The following ADAP1 variants were observed in gnomAD, a reference collection of about 807,000 sequenced individuals.
ADAP1 encodes ArfGAP with dual PH domains 1.
Under a neutral mutation model 54.9 loss-of-function variants are expected in ADAP1, and 31 were observed. The ratio of observed to expected loss-of-function variants is 0.56; its 90% CI spans 0.42 to 0.76. The LOEUF is 0.76. Among genes scored for constraint, ADAP1 ranks in the 30% least tolerant of loss-of-function variants. ADAP1 has a pLI of 0.00. For synonymous variants in ADAP1, 313 were observed against 202.6 expected (o/e 1.55, Z -4.63); for missense variants, 535 against 512.4 (o/e 1.04, Z -0.42).
intron 2 of ADAP1, among the ~76,000 whole-genome samples, chr7:928,595 C>A (rs1027119038): frequency 6.6e-6 from 1 of 152,206 alleles, no homozygotes; most frequent in Non-Finnish European, 1.5e-5. Context: ...AATGGCCACT[C>A]GGCCACGCAA....
At chr7:918,057 G>T (rs1166610982) in intron 4 of ADAP1, among the ~76,000 whole-genome samples, 1 of 152,174 alleles carries the variant, frequency 6.6e-6, no homozygotes, top group Non-Finnish European at 1.5e-5. Context: ...CATATAAAGT[G>T]CTGGGATTAC....
chr7:906,390 GAAAGGAGAAAGGGAAAGGAGA>G (rs1845331218), intron 4 of ADAP1, among the ~76,000 whole-genome samples: 2 of 46,434 alleles, frequency 4.3e-5, no homozygotes, highest in East Asian at 1.5e-3. Flanking sequence ...GGAGAAAGGA[GAAAGGAGAAAGGGAAAGGAGA>G]AAGGGAGAAA....
At position 945,324 on chromosome 7, in the gene ADAP1, C is replaced by G. The variant is rs981513232; in HGVS notation, c.82+9072G>C. On this transcript the variant is annotated intron_variant, in intron 1 of 10. Transcript: ENST00000265846. This position sits in a 1 kb window ranked among gnomAD's most constrained non-coding sequence, Gnocchi z 4.2. ...CAGGGTGGAAGGGGAGCTGGTCTGA[C>G]GCCCCAGCAGCAGGGCCCCCACAGG... 6.6e-6 allele frequency among the ~76,000 whole-genome samples: 1 copy of G among 152,180 alleles called. No individual in the cohort carries two copies. The highest frequency in any genetic ancestry group is 1.9e-4 in the East Asian group (1 of 5,176).
rs576582867 is a variant in ADAP1 at position 903,475 on chromosome 7, C to T, written c.648+651G>A. ...ACTTCTGTTTCTCAAGATTTAGGAA[C>T]GATATAGCGCTTTAGACCGTGTGCA... On this transcript the variant is annotated intron_variant, in intron 6 of 10. Transcript: ENST00000265846. 4.5e-4 allele frequency among the ~76,000 whole-genome samples: 69 copies of T among 152,238 alleles called. 1 individual carries two copies. In the South Asian group the frequency reaches 9.8e-3, roughly 22 times the overall value.
chr7:935,049 C>A, intron 2 of ADAP1: 1 of 485,904 alleles, frequency 2.1e-6, no homozygotes, highest in Non-Finnish European at 4.1e-6. Context: ...TACCCTGAGC[C>A]CAGTGCTCCA....
At chr7:905,326 A>ACGGG (rs60197939) in intron 4 of ADAP1, 154 bp from the exon 5 acceptor site, 19 of 510,446 alleles carry the variant, frequency 3.7e-5, no homozygotes, top group Admixed American at 1.6e-4. Flanking sequence ...GAGAGGGGAC[A>ACGGG]TGGAGGAGAC....
rs1201405118 is a variant in ADAP1, at chr7:905,276, G to GGGAGAA, written c.389-105_389-104insTTCTCC. ...AGGGGACATGGGGAGAAGACACGGG[G>GGGAGAA]GACACGGACGGGGGACACGGACAGG... On this transcript the variant is annotated intron_variant, in intron 4 of 10. Transcript: ENST00000265846. 15 of 417,202 alleles carry GGGAGAA rather than the reference G, an allele frequency of 3.6e-5. No homozygotes were observed. In the African/African-American group the frequency reaches 1.4e-3, roughly 39 times the overall value. 25.8% of individuals were successfully genotyped at this position (417,202 alleles called of 1,614,324 possible). A position where few individuals can be genotyped will look rare whatever the true frequency, so the allele number is the denominator to read the frequency against.
intron 4 of ADAP1, among the ~76,000 whole-genome samples, chr7:914,570 A>G (rs116143039): frequency 0.014 from 2,147 of 152,206 alleles, 45 homozygotes; most frequent in African/African-American, 0.048. Context: ...GGTGGGGGCC[A>G]TGGGGAGGCT....
intron 3 of ADAP1, among the ~76,000 whole-genome samples, chr7:925,368 A>C (rs1211594362): frequency 6.8e-6 from 1 of 147,844 alleles, no homozygotes; most frequent in Non-Finnish European, 1.5e-5. Context: ...ATTTAAAAAA[A>C]AAAAAAAAAA....
At chr7:919,413 G>A (rs1358560896) in intron 4 of ADAP1, among the ~76,000 whole-genome samples, 3 of 152,058 alleles carry the variant, frequency 2.0e-5, no homozygotes, top group Non-Finnish European at 4.4e-5. Flanking sequence ...GACAGCTGTG[G>A]CGACCCCAAG....
chr7:939,036 G>A (rs1268933151), intron 1 of ADAP1, among the ~76,000 whole-genome samples: 5 of 152,160 alleles, frequency 3.3e-5, no homozygotes, highest in African/African-American at 1.2e-4. Flanking sequence ...GGGCCTGGAA[G>A]GAGGCCTGTT....
chr7:926,482 G>C lies in ADAP1; in HGVS notation c.305+71C>G, dbSNP rs1466140752. ...CGGCACCCAACTCCCCACCCTGCCG[G>C]GTCCTCCCGGGGCCATCTCGGAGCC... On this transcript the variant is annotated intron_variant, in intron 3 of 10. Coordinates refer to ENST00000265846, the MANE Select transcript of ADAP1 (RefSeq NM_006869.4). The surrounding 1 kb of genome is among the most constrained non-coding windows in gnomAD (Gnocchi z 4.6). The C allele has an allele frequency of 8.1e-6, 11 of 1,355,996 alleles. No homozygotes were observed. The highest frequency in any genetic ancestry group is 1.1e-5 in the Non-Finnish European group (11 of 1,015,810). The allele number at this position is 1,355,996 out of a possible 1,614,324, so 84.0% of individuals were successfully genotyped here.
At chr7:921,268 T>C (rs1017761938) in intron 3 of ADAP1, among the ~76,000 whole-genome samples, 3 of 152,190 alleles carry the variant, frequency 2.0e-5, no homozygotes, top group Non-Finnish European at 2.9e-5. Context: ...GGGCCCACCC[T>C]ACTCCAGGAC....
At chr7:933,144 A>ACG (rs1318271637) in intron 2 of ADAP1, among the ~76,000 whole-genome samples, 31 of 151,566 alleles carry the variant, frequency 2.0e-4, no homozygotes, top group African/African-American at 7.5e-4. Context: ...GGTGGCGTGC[A>ACG]CCTGCAATCC....
At position 898,925 on chromosome 7, in the gene ADAP1, G is replaced by C; in HGVS notation, c.1121C>G (p.Pro374Arg). 6.2e-7 allele frequency: 1 copy of C among 1,607,204 alleles called. No homozygotes were observed. The highest frequency in any genetic ancestry group is 1.7e-4 in the Middle Eastern group (1 of 6,052). Residue 374 changes from proline to arginine, a missense_variant, in exon 11 of 11, where the codon CCT (proline) becomes CGT (arginine). By Grantham distance (103) the Pro-to-Arg change is moderately radical. Coordinates refer to ENST00000265846, the MANE Select transcript of ADAP1 (RefSeq NM_006869.4). ...YAVEAHFKHK[P>R] ...GTGGTCCTCCAGCCGCACTCGCTAA[G>C]GTTTATGCTTGAAGTGCGCCTCCAC... is the stretch of plus-strand genomic sequence containing the variant.
chr7:916,852 G>C (rs2128103381), intron 4 of ADAP1, among the ~76,000 whole-genome samples: 1 of 151,962 alleles, frequency 6.6e-6, no homozygotes, highest in East Asian at 1.9e-4. Context: ...TCAGGCCTGG[G>C]GCAGCCTCCC....
chr7:916,932 G>A (rs888015320), intron 4 of ADAP1, among the ~76,000 whole-genome samples: 4 of 150,892 alleles, frequency 2.7e-5, no homozygotes, highest in Non-Finnish European at 4.4e-5. Flanking sequence ...GCCCAGGGAG[G>A]TGCACGGGAG....
chr7:909,675 G>A (rs539480431), intron 4 of ADAP1, among the ~76,000 whole-genome samples: 1 of 152,372 alleles, frequency 6.6e-6, no homozygotes, highest in East Asian at 1.9e-4. Context: ...TCTCCCCACA[G>A]AGCAGCCCCT....
chr7:901,134 C>G (rs575543350), intron 6 of ADAP1: 41 of 426,084 alleles, frequency 9.6e-5, no homozygotes, highest in African/African-American at 5.7e-4. Context: ...TCCAGGGAGC[C>G]GCCCTGGTCC....
Sources: gnomAD v4.1 joint callset for allele counts (sites outside exome capture counted in the v4.1 genomes callset) on GRCh38, gnomAD v4.1.1 for gene constraint, Gnocchi (gnomAD v3.1) non-coding constraint, MANE v1.5 for transcripts, NCBI Gene and HGNC (gene_info 2026-07-23, HGNC 2026-07-21) for gene names.